SMARCA4: variants seen among roughly 807,000 people sequenced by gnomAD.
SMARCA4 encodes SWI/SNF-related matrix-associated actin-dependent regulator of chromatin subfamily A member 4.
Under a neutral mutation model 193.9 loss-of-function variants are expected in SMARCA4, and 31 were observed. That is an observed-to-expected ratio of 0.16 (90% CI 0.12 to 0.22). SMARCA4 has a LOEUF of 0.22. Among genes scored for constraint, SMARCA4 ranks in the 10% least tolerant of loss-of-function variants. The pLI is 1.00. For missense variants in SMARCA4, 1,148 were observed against 2,296.0 expected, an observed-to-expected ratio of 0.50 and a Z score of 10.22; for synonymous variants, 942 against 933.1, an observed-to-expected ratio of 1.01 and a Z score of -0.17.
intron 30 of SMARCA4, among the ~76,000 whole-genome samples, chr19:11,053,089 G>A (rs1178840845): frequency 6.6e-6 from 1 of 152,118 alleles, no homozygotes; most frequent in Non-Finnish European, 1.5e-5. Flanking sequence ...TGGGGAGTGA[G>A]ATCAGGGTTT....
In SMARCA4 at chr19:11,030,236, C is replaced by T. The variant is rs2074830988; in HGVS notation, c.3383-494C>T. On this transcript the variant is annotated intron_variant, in intron 24 of 34. Coordinates refer to ENST00000344626, the MANE Select transcript of SMARCA4 (RefSeq NM_003072.5). This position sits in a 1 kb window ranked among gnomAD's most constrained non-coding sequence, Gnocchi z 5.5. ...CGTAGAAGATTCTCTTTGTGAACCA[C>T]AAAACTTTTTGAGACAGGGCTGAAG... Among the ~76,000 whole-genome samples the T allele has an allele frequency of 6.6e-6, 1 of 152,222 alleles. No individual in the cohort carries two copies.
intron 13 of SMARCA4, among the ~76,000 whole-genome samples, chr19:11,006,486 C>T (rs1347241845): frequency 6.6e-6 from 1 of 152,176 alleles, no homozygotes; most frequent in Non-Finnish European, 1.5e-5. Flanking sequence ...CGCGGTGTCT[C>T]ACGCCTGTAA....
At chr19:10,993,369 C>T (rs1568437503) in intron 8 of SMARCA4, among the ~76,000 whole-genome samples, 1 of 152,196 alleles carries the variant, frequency 6.6e-6, no homozygotes, top group Non-Finnish European at 1.5e-5. Flanking sequence ...AGGATCTAAT[C>T]ATTTATGTCA....
intron 11 of SMARCA4, among the ~76,000 whole-genome samples, chr19:10,998,993 C>G (rs766623112): frequency 4.6e-5 from 7 of 151,830 alleles, no homozygotes; most frequent in Non-Finnish European, 1.0e-4. Flanking sequence ...GTCTCAACCT[C>G]CTGGACTGAA....
At chr19:11,035,222 G>GC in intron 29 of SMARCA4, 90 bp downstream of exon 29, 2 of 1,260,648 alleles carry the variant, frequency 1.6e-6, no homozygotes, top group Non-Finnish European at 2.3e-6. Flanking sequence ...CTCAGGCCTG[G>GC]GTCCAAAATG....
intron 34 of SMARCA4, 26 bp downstream of exon 34, chr19:11,060,213 G>T (rs1418174710): frequency 6.5e-7 from 1 of 1,550,154 alleles, no homozygotes; most frequent in South Asian, 1.2e-5. Context: ...CGAGCAGGCA[G>T]AGCTGGCATG....
intron 1 of SMARCA4, among the ~76,000 whole-genome samples, chr19:10,965,788 A>G (rs1367345874): frequency 6.6e-6 from 1 of 152,100 alleles, no homozygotes; most frequent in Non-Finnish European, 1.5e-5. Flanking sequence ...GTATGGGAAA[A>G]ATACAGTATT....
rs2076651591 is a variant in SMARCA4 at position 11,058,187 on chromosome 19, G to C, written c.4425-68G>C. ...TCATCCTTAAACAATGTGGGAACCT[G>C]CTGAGGTGGGGTGGGGGCTCCCGGG... On this transcript the variant is annotated intron_variant, in intron 30 of 34. Transcript: ENST00000344626. This position sits in a 1 kb window ranked among gnomAD's most constrained non-coding sequence, Gnocchi z 5.8. 11 of 962,170 alleles carry C rather than the reference G, an allele frequency of 1.1e-5. No individual in the cohort carries two copies. In the East Asian group the frequency reaches 2.6e-4, roughly 23 times the overall value. The allele number at this position is 962,170 out of a possible 1,614,324, so 59.6% of individuals were successfully genotyped here.
chr19:11,054,511 TG>T (rs2076433755), intron 30 of SMARCA4, among the ~76,000 whole-genome samples: 1 of 152,170 alleles, frequency 6.6e-6, no homozygotes, highest in Non-Finnish European at 1.5e-5. Context: ...ATCTGTGCAT[TG>T]GGCCAGGTGC....
At chr19:10,976,673 C>T (rs185283758) in intron 1 of SMARCA4, among the ~76,000 whole-genome samples, 75 of 151,052 alleles carry the variant, frequency 5.0e-4, no homozygotes, top group East Asian at 4.1e-3. Context: ...GGGAGGATCA[C>T]TTGAGCCCAG....
intron 13 of SMARCA4, among the ~76,000 whole-genome samples, chr19:11,006,015 G>A (rs1030462121): frequency 5.9e-5 from 9 of 152,192 alleles, no homozygotes; most frequent in African/African-American, 1.9e-4. Context: ...TGCCTAAAAT[G>A]TCGGTGTTAT....
rs1406390170 is a variant in SMARCA4, at chr19:10,987,763, A to C, written c.957A>C (p.Pro319=). ...CTTCCCCCGCGCCCCCTGCCGTCCC[A>C]CCCGCCGCCTCGCCCGTGATGCCAC... ...GRPSPAPPAV[P]PAASPVMPPQ... The change falls in exon 6 of 35, where the codon CCA becomes CCC. Residue 319 remains proline (P), a synonymous_variant. Coordinates refer to ENST00000344626, the MANE Select transcript of SMARCA4 (RefSeq NM_003072.5). The surrounding 1 kb of genome is among the most constrained non-coding windows in gnomAD (Gnocchi z 5.3). The C allele has an allele frequency of 1.3e-6, 2 of 1,594,070 alleles. No individual in the cohort carries two copies. Among genetic ancestry groups the C allele is most frequent in the Non-Finnish European group, 8.5e-7 (1 of 1,171,444 alleles).
intron 16 of SMARCA4, among the ~76,000 whole-genome samples, chr19:11,014,676 C>T (rs768128886): frequency 2.6e-5 from 4 of 152,178 alleles, no homozygotes; most frequent in African/African-American, 7.2e-5. Context: ...CTTTCACTTA[C>T]AGACTTCTCA....
intron 30 of SMARCA4, among the ~76,000 whole-genome samples, chr19:11,052,111 A>AT (rs2146992295): frequency 6.6e-6 from 1 of 152,320 alleles, no homozygotes; most frequent in East Asian, 1.9e-4. Flanking sequence ...AAATAAATAA[A>AT]AATAGATGAT....
chr19:10,981,145 C>T (rs1261487180), intron 1 of SMARCA4, among the ~76,000 whole-genome samples: 1 of 152,240 alleles, frequency 6.6e-6, no homozygotes, highest in Non-Finnish European at 1.5e-5. Flanking sequence ...AAGTATGTGG[C>T]AGTCCTGCTG....
chr19:11,033,914 G>A lies in SMARCA4; in HGVS notation c.3873+49G>A, dbSNP rs1225112455. Reference sequence around the variant, plus strand: ...ATGCCCATTCAATCCTCGGCTTCTCGGCTGAGACGGCCAGCAAGGGCCCTG... The same window carrying A: ...ATGCCCATTCAATCCTCGGCTTCTCAGCTGAGACGGCCAGCAAGGGCCCTG... On this transcript the variant is annotated intron_variant, in intron 27 of 34. Transcript: ENST00000344626. The surrounding 1 kb of genome is among the most constrained non-coding windows in gnomAD (Gnocchi z 9.8). 2 of 763,100 alleles carry A rather than the reference G, an allele frequency of 2.6e-6. No homozygotes were observed. The highest frequency in any genetic ancestry group is 1.4e-5 in the South Asian group (1 of 73,570). The allele number at this position is 763,100 out of a possible 1,614,324, so 47.3% of individuals were successfully genotyped here.
rs190739072 is a variant in SMARCA4 at position 11,047,049 on chromosome 19, C to T, written c.4424+5489C>T. On this transcript the variant is annotated intron_variant, in intron 30 of 34. Transcript: ENST00000344626. ...AAATTGGTGTACTTAATGGATATTTCTGATATTCTTAACTAAATTTGAAGC... is the reference window on the plus strand; with the variant it reads ...AAATTGGTGTACTTAATGGATATTTTTGATATTCTTAACTAAATTTGAAGC... Among the ~76,000 whole-genome samples the T allele has an allele frequency of 4.6e-5, 7 of 151,062 alleles. No individual in the cohort carries two copies. The East Asian group carries it at 1.4e-3, about 30-fold the overall frequency.
chr19:10,972,283 A>G (rs2084736084), intron 1 of SMARCA4, among the ~76,000 whole-genome samples: 2 of 151,816 alleles, frequency 1.3e-5, no homozygotes, highest in African/African-American at 4.8e-5. Context: ...ATTAGTAGAG[A>G]TGGGGTTTCA....
In SMARCA4 at chr19:10,986,880, C is replaced by T. The variant is rs1191389627; in HGVS notation, c.761-25C>T. On this transcript the variant is annotated intron_variant, in intron 4 of 34. Coordinates refer to ENST00000344626, the MANE Select transcript of SMARCA4 (RefSeq NM_003072.5). This position sits in a 1 kb window ranked among gnomAD's most constrained non-coding sequence, Gnocchi z 6.7. ...GCATAAACCTGGGACGCACTGTTTT[C>T]TCTTTTGTTTCTCCCTACATGTAGG... is the stretch of plus-strand genomic sequence containing the variant. The T allele has an allele frequency of 6.3e-7, 1 of 1,584,470 alleles. No homozygotes were observed. The highest frequency in any genetic ancestry group is 1.7e-5 in the Admixed American group (1 of 59,992).
Sources: allele counts gnomAD v4.1 joint callset (sites outside exome capture counted in the v4.1 genomes callset), GRCh38; gene constraint gnomAD v4.1.1; non-coding constraint Gnocchi (gnomAD v3.1); transcripts MANE v1.5; gene names NCBI Gene and HGNC (gene_info 2026-07-23, HGNC 2026-07-21).